TOP6BL: variants seen among roughly 807,000 people sequenced by gnomAD.
The protein encoded by TOP6BL is TOP6B like initiator of meiotic double strand breaks.
the TOP6BL span, chr11:66,758,296 C>CTT: frequency 1.7e-5 from 1 of 57,396 alleles, no homozygotes; most frequent in Non-Finnish European, 3.3e-5. Context: ...CTGGTATTTT[C>CTT]TTTTTCTTTT....
chr11:66,843,315 C>T, the TOP6BL span: 5 of 1,542,278 alleles, frequency 3.2e-6, no homozygotes, highest in East Asian at 2.4e-5. Context: ...AGCTGCCGCG[C>T]GCTCACCAAG....
chr11:66,790,549 T>G, the TOP6BL span, among the ~76,000 whole-genome samples: 1 of 152,234 alleles, frequency 6.6e-6, no homozygotes, highest in Non-Finnish European at 1.5e-5. Flanking sequence ...TTTCTCTTAT[T>G]TCTTTATTGC....
the TOP6BL span, among the ~76,000 whole-genome samples, chr11:66,808,535 A>G: frequency 6.6e-6 from 1 of 152,180 alleles, no homozygotes; most frequent in Non-Finnish European, 1.5e-5. Flanking sequence ...AAAAAAAAAA[A>G]ATGAAAAATT....
the TOP6BL span, among the ~76,000 whole-genome samples, chr11:66,800,466 T>C: frequency 2.6e-5 from 4 of 152,236 alleles, no homozygotes; most frequent in African/African-American, 9.6e-5. Flanking sequence ...TATATACATA[T>C]ATCAAAACAC....
the TOP6BL span, among the ~76,000 whole-genome samples, chr11:66,773,610 C>G: frequency 1.6e-3 from 244 of 152,186 alleles, 2 homozygotes; most frequent in East Asian, 1.5e-3. Context: ...ACACTCTGAT[C>G]TTTTATTCTT....
the TOP6BL span, chr11:66,748,309 G>A: frequency 4.9e-6 from 6 of 1,224,470 alleles, no homozygotes; most frequent in Non-Finnish European, 6.7e-6. Flanking sequence ...ATTTAACTGG[G>A]TCATAGAGAT....
chr11:66,825,927 C>T, the TOP6BL span, among the ~76,000 whole-genome samples: 218 of 151,986 alleles, frequency 1.4e-3, 1 homozygote, highest in African/African-American at 4.6e-3. Context: ...CTGCAAGCTC[C>T]GCCTCTCAGG....
the TOP6BL span, among the ~76,000 whole-genome samples, chr11:66,811,775 G>A: frequency 1.3e-5 from 2 of 152,110 alleles, no homozygotes; most frequent in African/African-American, 4.8e-5. Context: ...GAGATAAAAT[G>A]GAGTTATAAA....
chr11:66,786,172 C>G, the TOP6BL span, among the ~76,000 whole-genome samples: 2 of 152,082 alleles, frequency 1.3e-5, no homozygotes, highest in African/African-American at 4.8e-5. Flanking sequence ...GTGGCACAAC[C>G]CTGTGATCCT....
At chr11:66,810,273 A>G in the TOP6BL span, among the ~76,000 whole-genome samples, 1 of 152,214 alleles carries the variant, frequency 6.6e-6, no homozygotes, top group African/African-American at 2.4e-5. Context: ...TTTTAGGTAG[A>G]AGAAAAATGT....
the TOP6BL span, among the ~76,000 whole-genome samples, chr11:66,763,778 A>C: frequency 1.3e-5 from 2 of 151,586 alleles, no homozygotes; most frequent in Non-Finnish European, 1.5e-5. Flanking sequence ...TTACTTTTTA[A>C]ATTTTTTCTA....
the TOP6BL span, among the ~76,000 whole-genome samples, chr11:66,813,219 A>G: frequency 6.6e-6 from 1 of 152,202 alleles, no homozygotes; most frequent in Non-Finnish European, 1.5e-5. Context: ...GACAGGTATT[A>G]TCTGGATATT....
the TOP6BL span, among the ~76,000 whole-genome samples, chr11:66,781,758 A>G: frequency 2.0e-5 from 3 of 152,024 alleles, no homozygotes; most frequent in Non-Finnish European, 4.4e-5. Context: ...GGCTAGTCTC[A>G]AACTCCTGGC....
the TOP6BL span, among the ~76,000 whole-genome samples, chr11:66,817,418 CACTG>C: frequency 1.3e-5 from 2 of 151,882 alleles, no homozygotes; most frequent in Non-Finnish European, 2.9e-5. Context: ...GCATCAGAAT[CACTG>C]GATGATGATG....
the TOP6BL span, among the ~76,000 whole-genome samples, chr11:66,814,559 G>A: frequency 2.0e-5 from 3 of 151,950 alleles, no homozygotes; most frequent in Non-Finnish European, 2.9e-5. Flanking sequence ...CACCGCACCC[G>A]GCCTGGCATT....
the TOP6BL span, among the ~76,000 whole-genome samples, chr11:66,809,979 G>T: frequency 2.0e-5 from 3 of 152,240 alleles, no homozygotes; most frequent in South Asian, 6.2e-4. Context: ...CTAAGTGTAA[G>T]AAATATGAAG....
At chr11:66,839,191 A>T in the TOP6BL span, 1 of 456,168 alleles carries the variant, frequency 2.2e-6, no homozygotes, top group Non-Finnish European at 4.4e-6. Context: ...ACATTCAGTC[A>T]CTAGCAGAGA....
At chr11:66,768,219 CAATGGTGAACTCTTG>C in the TOP6BL span, among the ~76,000 whole-genome samples, 2 of 151,532 alleles carry the variant, frequency 1.3e-5, no homozygotes, top group Non-Finnish European at 2.9e-5. Context: ...AAGAAACTCA[CAATGGTGAACTCTTG>C]AATGTCTGAC....
chr11:66,779,194 A>G, the TOP6BL span, among the ~76,000 whole-genome samples: 1 of 152,236 alleles, frequency 6.6e-6, no homozygotes, highest in Non-Finnish European at 1.5e-5. Context: ...GCTTCTGCAC[A>G]GCAAAAGAAA....
Sources: allele counts gnomAD v4.1 joint callset (sites outside exome capture counted in the v4.1 genomes callset), GRCh38; gene constraint gnomAD v4.1.1; transcripts MANE v1.5; gene names NCBI Gene and HGNC (gene_info 2026-07-23, HGNC 2026-07-21).